The following GALNT8 variants were observed in gnomAD, a reference collection of about 807,000 sequenced individuals.
The protein encoded by GALNT8 is probable polypeptide N-acetylgalactosaminyltransferase 8.
In GALNT8, 66 loss-of-function variants were observed where a neutral mutation model predicts 62.7. The ratio of observed to expected loss-of-function variants is 1.05; its 90% CI spans 0.86 to 1.29. GALNT8 has a LOEUF of 1.29. Ranked by LOEUF, GALNT8 falls within the 50% of genes most tolerant of loss-of-function variation. The pLI, the probability that GALNT8 is intolerant of heterozygous loss-of-function variation, is 0.00. For missense variants in GALNT8, 771 were observed against 791.8 expected, an observed-to-expected ratio of 0.97 and a Z score of 0.32; for synonymous variants, 288 against 294.3, an observed-to-expected ratio of 0.98 and a Z score of 0.22.
At chr12:4,755,400 G>A (rs761506600) in intron 6 of GALNT8, among the ~76,000 whole-genome samples, 1 of 152,154 alleles carries the variant, frequency 6.6e-6, no homozygotes, top group African/African-American at 2.4e-5. Flanking sequence ...AGTGCCTCAC[G>A]ATTGCTGTGC....
intron 1 of GALNT8, among the ~76,000 whole-genome samples, chr12:4,722,982 A>G (rs993452621): frequency 6.6e-6 from 1 of 152,032 alleles, no homozygotes; most frequent in African/African-American, 2.4e-5. Context: ...GACAAGAAGA[A>G]AAGAAGGGAA....
chr12:4,733,877 A>G (rs139493841), intron 2 of GALNT8, among the ~76,000 whole-genome samples: 3 of 152,314 alleles, frequency 2.0e-5, no homozygotes, highest in Non-Finnish European at 4.4e-5. Context: ...GTAGTGACCT[A>G]CCAGGGAATT....
intron 3 of GALNT8, among the ~76,000 whole-genome samples, 172 bp downstream of exon 3, chr12:4,739,501 G>A (rs1946261525): frequency 1.3e-5 from 2 of 152,142 alleles, no homozygotes; most frequent in Non-Finnish European, 2.9e-5. Context: ...TCTTCACAAA[G>A]TCAAGACAGA....
At position 4,745,495 on chromosome 12, in the gene GALNT8, C is replaced by T. The variant is rs1946293966; in HGVS notation, c.927C>T (p.Asn309=). The change falls in exon 5 of 11, where the codon AAC becomes AAT. Residue 309 remains asparagine, a synonymous_variant. Transcript: ENST00000252318. ...RTVIVSPVFD[N]IRFDTFKLDK... is the part of the protein sequence containing the mutation. Reference sequence around the variant, plus strand: ...TGATTGTGTCTCCTGTGTTTGACAACATTCGTTTTGACACCTTCAAACTGG... The same window carrying T: ...TGATTGTGTCTCCTGTGTTTGACAATATTCGTTTTGACACCTTCAAACTGG... The T allele has an allele frequency of 6.2e-7, 1 of 1,612,704 alleles. No individual in the cohort carries two copies. Among genetic ancestry groups the T allele is most frequent in the East Asian group, 2.2e-5 (1 of 44,884 alleles).
At position 4,760,828 on chromosome 12, in the gene GALNT8, T is replaced by C. The variant is rs1946368025; in HGVS notation, c.1174-130T>C. 1.0e-5 allele frequency: 7 copies of C among 694,612 alleles called. 1 individual carries two copies. Among genetic ancestry groups the C allele is most frequent in the Non-Finnish European group, 1.8e-5 (7 of 398,034 alleles). 43.0% of individuals were successfully genotyped at this position (694,612 alleles called of 1,614,324 possible). The stretch of plus-strand genomic sequence containing the variant: ...GATAAGAAAGTTAGAGGAGGCAATA[T>C]AAAGGCAGGAGTGGGAGGACTGAGC... On this transcript the variant is annotated intron_variant, in intron 6 of 10. Coordinates refer to ENST00000252318, the MANE Select transcript of GALNT8 (RefSeq NM_017417.2).
chr12:4,750,311 A>T (rs1432972355), intron 6 of GALNT8, among the ~76,000 whole-genome samples: 2 of 151,756 alleles, frequency 1.3e-5, no homozygotes, highest in Non-Finnish European at 2.9e-5. Flanking sequence ...TCCGTTAGTT[A>T]TTTTTCCTGA....
At chr12:4,747,362 C>T (rs925872857) in intron 6 of GALNT8, among the ~76,000 whole-genome samples, 1 of 152,132 alleles carries the variant, frequency 6.6e-6, no homozygotes, top group African/African-American at 2.4e-5. Context: ...TAACCATCCC[C>T]TCTCCCCCAA....
chr12:4,746,304 A>G, intron 6 of GALNT8, 46 bp downstream of exon 6: 1 of 1,071,802 alleles, frequency 9.3e-7, no homozygotes, highest in Admixed American at 1.7e-5. Flanking sequence ...AGAAAGGGGA[A>G]TAATAGAAAG....
At chr12:4,725,033 T>G (rs1054623325) in intron 1 of GALNT8, among the ~76,000 whole-genome samples, 2 of 152,190 alleles carry the variant, frequency 1.3e-5, no homozygotes, top group African/African-American at 4.8e-5. Flanking sequence ...TTCTTCTAAC[T>G]TGTAGAAAGA....
Position 4,722,235 on chromosome 12 carries a change from C to T in GALNT8, c.211+1347C>T, listed in dbSNP as rs557731891. On this transcript the variant is annotated intron_variant, in intron 1 of 10. Coordinates refer to ENST00000252318, the MANE Select transcript of GALNT8 (RefSeq NM_017417.2). ...GGTAGGGGCTGTTGAAGAGAGGTGG[C>T]AATCTCTGGGGCAAGGGCCTCGCTT... 9.8e-5 allele frequency among the ~76,000 whole-genome samples: 15 copies of T among 152,316 alleles called. No individual in the cohort carries two copies. In the East Asian group the frequency reaches 2.9e-3, roughly 29 times the overall value.
rs201036640 is a variant in GALNT8, at chr12:4,720,831, C to T, written c.154C>T (p.Arg52Cys). ...HRELPLHLNK[R>C]YGAVIKRLSH... is the part of the protein sequence containing the mutation. ...GGAGCTTCCTTTACATCTGAATAAA[C>T]GCTACGGGGCAGTGATAAAGAGACT... The change falls in exon 1 of 11, where the codon CGC becomes TGC. Residue 52 changes from arginine to cysteine, a missense_variant. By Grantham distance (180) the Arg-to-Cys change is radical. Transcript: ENST00000252318. The T allele has an allele frequency of 6.7e-5, 108 of 1,611,758 alleles. No individual in the cohort carries two copies. The highest frequency in any genetic ancestry group is 5.0e-4 in the Middle Eastern group (3 of 6,042).
Position 4,764,011 on chromosome 12 carries a change from C to A in GALNT8, c.1557C>A (p.Thr519=). The A allele has an allele frequency of 6.3e-7, 1 of 1,597,602 alleles. No individual in the cohort carries two copies. Among genetic ancestry groups the A allele is most frequent in the Non-Finnish European group, 8.6e-7 (1 of 1,164,724 alleles). ...ATCAGGGACCCGTTCCAGGCAACAC[C>A]CCCATCATGTATTACTGCCATGAAT... ...CLDQGPVPGN[T]PIMYYCHEFS... Residue 519 remains threonine (T), a synonymous_variant, in exon 9 of 11, where the codon ACC becomes ACA. Coordinates refer to ENST00000252318, the MANE Select transcript of GALNT8 (RefSeq NM_017417.2).
chr12:4,741,363 A>G (rs1428559943), intron 3 of GALNT8, among the ~76,000 whole-genome samples: 1 of 152,202 alleles, frequency 6.6e-6, no homozygotes, highest in East Asian at 1.9e-4. Context: ...ATTTCTGGGC[A>G]TGGAGACTGG....
intron 6 of GALNT8, among the ~76,000 whole-genome samples, chr12:4,752,667 C>T (rs1946327394): frequency 6.6e-6 from 1 of 151,950 alleles, no homozygotes; most frequent in Non-Finnish European, 1.5e-5. Context: ...TTGATCGATT[C>T]ATTATTTAGA....
intron 1 of GALNT8, among the ~76,000 whole-genome samples, chr12:4,725,714 C>T (rs967571271): frequency 2.6e-5 from 4 of 152,014 alleles, no homozygotes; most frequent in Non-Finnish European, 5.9e-5. Flanking sequence ...CACCACCACA[C>T]CCAGCTAATT....
chr12:4,759,764 G>A (rs1946363290), intron 6 of GALNT8, among the ~76,000 whole-genome samples: 2 of 152,084 alleles, frequency 1.3e-5, no homozygotes, highest in South Asian at 2.1e-4. Context: ...GTGGTAGGTT[G>A]CTAGCCACTG....
intron 10 of GALNT8, chr12:4,768,530 G>A (rs1946409745): frequency 3.2e-6 from 1 of 316,620 alleles, no homozygotes; most frequent in Non-Finnish European, 6.3e-6. Context: ...CTTCTCAGCT[G>A]ACTGAGGCTA....
Position 4,726,928 on chromosome 12 carries a change from T to C in GALNT8, c.509+99T>C. The C allele has an allele frequency of 9.9e-7, 1 of 1,014,370 alleles. No individual in the cohort carries two copies. The allele number at this position is 1,014,370 out of a possible 1,614,324, so 62.8% of individuals were successfully genotyped here. On this transcript the variant is annotated intron_variant, in intron 2 of 10. Coordinates refer to ENST00000252318, the MANE Select transcript of GALNT8 (RefSeq NM_017417.2). The surrounding 1 kb of genome is among the most constrained non-coding windows in gnomAD (Gnocchi z 4.1). ...TGAAGGCTGGGGGAGTGGGGGATTG[T>C]TGGGGAAGGGGTTCAGGCTGAGCAA...
chr12:4,756,964 A>G (rs1254639244), intron 6 of GALNT8, among the ~76,000 whole-genome samples: 1 of 152,172 alleles, frequency 6.6e-6, no homozygotes. Context: ...TCATTGGATC[A>G]TGTCGGGGGG....
Sources: gnomAD v4.1 joint callset for allele counts (sites outside exome capture counted in the v4.1 genomes callset) on GRCh38, gnomAD v4.1.1 for gene constraint, Gnocchi (gnomAD v3.1) non-coding constraint, MANE v1.5 for transcripts, NCBI Gene and HGNC (gene_info 2026-07-23, HGNC 2026-07-21) for gene names.